Variants in NEO1 observed in about 807,000 individuals in gnomAD.
NEO1 encodes neogenin.
Under a neutral mutation model 159.7 loss-of-function variants are expected in NEO1, and 63 were observed. The ratio of observed to expected loss-of-function variants is 0.39; its 90% CI spans 0.32 to 0.49. The LOEUF is 0.49. Among genes scored for constraint, NEO1 ranks in the 20% least tolerant of loss-of-function variants. The pLI is 0.85. For missense variants in NEO1, 1,615 were observed against 1,831.0 expected, an observed-to-expected ratio of 0.88 and a Z score of 2.15; for synonymous variants, 633 against 662.0, an observed-to-expected ratio of 0.96 and a Z score of 0.67.
At chr15:73,110,713 A>G (rs1278127460) in intron 1 of NEO1, among the ~76,000 whole-genome samples, 1 of 152,188 alleles carries the variant, frequency 6.6e-6, no homozygotes, top group Non-Finnish European at 1.5e-5. Flanking sequence ...TGTAGAAGAT[A>G]TTAGATAGGA....
intron 16 of NEO1, among the ~76,000 whole-genome samples, chr15:73,269,740 T>C (rs1331120484): frequency 6.6e-6 from 1 of 152,206 alleles, no homozygotes; most frequent in Admixed American, 6.5e-5. Context: ...ATATAATCAC[T>C]GGATTATAAC....
intron 1 of NEO1, among the ~76,000 whole-genome samples, chr15:73,093,866 A>T (rs1271643212): frequency 6.6e-6 from 1 of 152,220 alleles, no homozygotes; most frequent in Admixed American, 6.5e-5. Flanking sequence ...GGCACGAGCC[A>T]CTGTGCCTGG....
At chr15:73,115,157 C>T (rs1355806412) in intron 1 of NEO1, among the ~76,000 whole-genome samples, 3 of 152,174 alleles carry the variant, frequency 2.0e-5, no homozygotes, top group Non-Finnish European at 2.9e-5. Flanking sequence ...ATTTTCCCGC[C>T]TCAGCCTCCC....
chr15:73,221,409 G>A (rs1309263519), intron 7 of NEO1, among the ~76,000 whole-genome samples: 30 of 152,292 alleles, frequency 2.0e-4, no homozygotes, highest in Non-Finnish European at 3.5e-4. Context: ...CAGTCTGCCC[G>A]TTCTCAGATC....
Position 73,052,809 on chromosome 15 carries a change from A to C in NEO1, c.130+4A>C. ...GGCTCCGCGCCGCAGTCCCCAGGTA[A>C]GCGGCGGGCGCGGGCCCGGGGGTTC... On this transcript the variant is annotated splice_donor_region_variant and intron_variant, in intron 1 of 28. Transcript: ENST00000261908. 2 of 934,474 alleles carry C rather than the reference A, an allele frequency of 2.1e-6. No individual in the cohort carries two copies. The highest frequency in any genetic ancestry group is 1.3e-6 in the Non-Finnish European group (1 of 763,554). 57.9% of individuals were successfully genotyped at this position (934,474 alleles called of 1,614,324 possible).
chr15:73,234,157 A>T (rs2039055039), intron 7 of NEO1, among the ~76,000 whole-genome samples: 1 of 152,230 alleles, frequency 6.6e-6, no homozygotes, highest in Non-Finnish European at 1.5e-5. Flanking sequence ...CTAGATGGAC[A>T]TGCAAATGAG....
At chr15:73,114,420 A>G (rs1029900950) in intron 1 of NEO1, among the ~76,000 whole-genome samples, 19 of 152,362 alleles carry the variant, frequency 1.2e-4, no homozygotes, top group African/African-American at 3.8e-4. Flanking sequence ...TCCTACTGAG[A>G]GAACAAAATA....
intron 26 of NEO1, among the ~76,000 whole-genome samples, chr15:73,294,790 T>C (rs988066988): frequency 2.6e-5 from 4 of 152,086 alleles, no homozygotes; most frequent in Admixed American, 2.6e-4. Flanking sequence ...TCCGCCTGCA[T>C]TGGCCTCCCA....
intron 23 of NEO1, among the ~76,000 whole-genome samples, chr15:73,286,522 G>A (rs2041955936): frequency 6.6e-6 from 1 of 151,960 alleles, no homozygotes; most frequent in Admixed American, 6.6e-5. Flanking sequence ...ATCTGCTCCC[G>A]TGGCTTCAGC....
At chr15:73,102,323 G>A (rs1000627501) in intron 1 of NEO1, among the ~76,000 whole-genome samples, 15 of 152,062 alleles carry the variant, frequency 9.9e-5, no homozygotes, top group African/African-American at 3.1e-4. Context: ...CCGAGATCAC[G>A]CCACTGCACT....
At chr15:73,109,404 A>G (rs1321643248) in intron 1 of NEO1, among the ~76,000 whole-genome samples, 1 of 152,192 alleles carries the variant, frequency 6.6e-6, no homozygotes, top group Non-Finnish European at 1.5e-5. Context: ...CAACTAGCAC[A>G]CAAGGGCTAG....
chr15:73,074,537 A>G (rs2068681836), intron 1 of NEO1, among the ~76,000 whole-genome samples: 1 of 152,218 alleles, frequency 6.6e-6, no homozygotes, highest in Non-Finnish European at 1.5e-5. Flanking sequence ...AAGTGACTTC[A>G]TATAATATTA....
At chr15:73,106,025 A>G (rs1383486659) in intron 1 of NEO1, among the ~76,000 whole-genome samples, 1 of 152,110 alleles carries the variant, frequency 6.6e-6, no homozygotes, top group Non-Finnish European at 1.5e-5. Flanking sequence ...TGAACTTTTA[A>G]TGAAAAGTTT....
Position 73,072,025 on chromosome 15 carries a change from A to G in NEO1, c.130+19220A>G, listed in dbSNP as rs539767099. Reference sequence around the variant, plus strand: ...AAGTGCAATGGGCCGATCTTGGCCCACTGCAACCTCCGCCTCCCAGGTTCA... The same window carrying G: ...AAGTGCAATGGGCCGATCTTGGCCCGCTGCAACCTCCGCCTCCCAGGTTCA... On this transcript the variant is annotated intron_variant, in intron 1 of 28. Coordinates refer to ENST00000261908, the MANE Select transcript of NEO1 (RefSeq NM_002499.4). Among the ~76,000 whole-genome samples, 652 of 152,196 alleles carry G rather than the reference A, an allele frequency of 4.3e-3. 4 individuals are homozygous for G. Among genetic ancestry groups the G allele is most frequent in the Non-Finnish European group, 7.3e-3 (495 of 68,016 alleles).
At chr15:73,078,611 G>C (rs1479114828) in intron 1 of NEO1, among the ~76,000 whole-genome samples, 2 of 152,252 alleles carry the variant, frequency 1.3e-5, no homozygotes, top group African/African-American at 4.8e-5. Flanking sequence ...GAGGTGTAGG[G>C]TGTGGCACGG....
chr15:73,249,655 G>A lies in NEO1; in HGVS notation c.1828G>A (p.Val610Met). The change falls in exon 11 of 29, where the codon GTG (valine) becomes ATG (methionine). Residue 610 changes from valine to methionine, a missense_variant. By Grantham distance (21) the Val-to-Met change is conservative. Transcript: ENST00000261908. ...ATATACAGAGTATAGTTTCCGAGTG[G>A]TGGCCTACAATAAACATGGTCCTGG... The part of the protein sequence containing the change: ...KKYTEYSFRV[V>M]AYNKHGPGVS... 6.2e-7 allele frequency: 1 copy of A among 1,613,864 alleles called. No individual in the cohort carries two copies. The highest frequency in any genetic ancestry group is 8.5e-7 in the Non-Finnish European group (1 of 1,179,944).
At position 73,189,031 on chromosome 15, in the gene NEO1, C is replaced by T. The variant is rs78065066; in HGVS notation, c.1291+10604C>T. On this transcript the variant is annotated intron_variant, in intron 7 of 28. Coordinates refer to ENST00000261908, the MANE Select transcript of NEO1 (RefSeq NM_002499.4). ...GGAGGATTGCTTGAGCCTGAGAGGT[C>T]GAGGCTTCAATGAGCTGTGATTGCA... is the stretch of plus-strand genomic sequence containing the variant. Among the ~76,000 whole-genome samples the T allele has an allele frequency of 9.2e-4, 140 of 152,144 alleles. 3 individuals carry two copies. In the East Asian group the frequency reaches 0.021, roughly 23 times the overall value.
rs1389123745 is a variant in NEO1 at position 73,116,620 on chromosome 15, A to G, written c.211A>G (p.Ile71Val). 5 of 1,613,036 alleles carry G rather than the reference A, an allele frequency of 3.1e-6. No individual in the cohort carries two copies. Among genetic ancestry groups the G allele is most frequent in the African/African-American group, 1.3e-5 (1 of 74,796 alleles). ...DTLSVRGSSV[I>V]LNCSAYSEPS... Reference sequence around the variant, plus strand: ...ACTCTCAGTTAGAGGCTCTTCTGTTATATTAAACTGTTCAGCATATTCTGA... The same window carrying G: ...ACTCTCAGTTAGAGGCTCTTCTGTTGTATTAAACTGTTCAGCATATTCTGA... Residue 71 changes from isoleucine to valine, a missense_variant, in exon 2 of 29, where the codon ATA becomes GTA. This residue lies in a region of NEO1 where 1,018 missense variants were observed against 1,115.4 expected (regional missense o/e 0.91). Coordinates refer to ENST00000261908, the MANE Select transcript of NEO1 (RefSeq NM_002499.4).
At chr15:73,145,517 ATAAACCACT>A (rs2032817608) in intron 5 of NEO1, among the ~76,000 whole-genome samples, 1 of 152,240 alleles carries the variant, frequency 6.6e-6, no homozygotes, top group Non-Finnish European at 1.5e-5. Context: ...GGCAAAAATT[ATAAACCACT>A]TAAATGCCCA....
Sources: allele counts gnomAD v4.1 joint callset (sites outside exome capture counted in the v4.1 genomes callset), GRCh38; gene constraint gnomAD v4.1.1; regional missense constraint gnomAD v4.1.1; transcripts MANE v1.5; gene names NCBI Gene and HGNC (gene_info 2026-07-23, HGNC 2026-07-21).